The following CAPN14 variants were observed in gnomAD, a reference collection of about 807,000 sequenced individuals.
CAPN14 encodes the protein calpain-14.
CAPN14 carries 94 observed loss-of-function variants against 101.3 expected under a neutral mutation model. That is an observed-to-expected ratio of 0.93 (90% CI 0.79 to 1.10). The LOEUF is 1.10. CAPN14 is among the 50% of genes least tolerant of loss of function. CAPN14 has a pLI of 0.00. For missense variants in CAPN14, 837 were observed against 828.4 expected, an observed-to-expected ratio of 1.01 and a Z score of -0.13; for synonymous variants, 338 against 317.9, an observed-to-expected ratio of 1.06 and a Z score of -0.67.
chr2:31,233,629 T>G (rs1156437218), intron 1 of CAPN14, among the ~76,000 whole-genome samples: 2 of 152,204 alleles, frequency 1.3e-5, no homozygotes, highest in African/African-American at 4.8e-5. Context: ...TGGCTTGTTT[T>G]GTTTTGCTGG....
rs1683167277 is a variant in CAPN14 at position 31,230,794 on chromosome 2, T to C, written c.-177+2997A>G. Among the ~76,000 whole-genome samples the C allele has an allele frequency of 6.6e-6, 1 of 152,236 alleles. No homozygotes were observed. The highest frequency in any genetic ancestry group is 2.4e-5 in the African/African-American group (1 of 41,450). On this transcript the variant is annotated intron_variant and NMD_transcript_variant, in intron 1 of 21. Transcript: ENST00000398824. This position sits in a 1 kb window ranked among gnomAD's most constrained non-coding sequence, Gnocchi z 4.3. ...AAATATCTTTTCACTCACTTTTGTA[T>C]TTTTAGTTGAACGAAAGTTTTAAAT... is the stretch of plus-strand genomic sequence containing the variant.
At chr2:31,181,382 C>CG (rs1680588490) in intron 16 of CAPN14, among the ~76,000 whole-genome samples, 1 of 128,454 alleles carries the variant, frequency 7.8e-6, no homozygotes, top group Non-Finnish European at 1.6e-5. Flanking sequence ...TTTCTCTTTT[C>CG]TTTTTTTCTT....
chr2:31,211,272 C>T (rs1268039549), intron 1 of CAPN14, among the ~76,000 whole-genome samples: 1 of 146,730 alleles, frequency 6.8e-6, no homozygotes, highest in Non-Finnish European at 1.5e-5. Context: ...AAGGAAGGGT[C>T]ACAAAAATCA....
At chr2:31,200,165 G>T (rs373102920) in intron 6 of CAPN14, among the ~76,000 whole-genome samples, 1 of 152,088 alleles carries the variant, frequency 6.6e-6, no homozygotes, top group African/African-American at 2.4e-5. Context: ...CACCATGCCC[G>T]GCTAATTTTT....
At chr2:31,218,452 C>T (rs985782465), upstream of CAPN14, among the ~76,000 whole-genome samples, 2 of 152,196 alleles carry the variant, frequency 1.3e-5, no homozygotes, top group Non-Finnish European at 2.9e-5. Flanking sequence ...TCCCCGCCTG[C>T]TTCTTGGCCT....
intron 1 of CAPN14, among the ~76,000 whole-genome samples, chr2:31,227,935 ACT>A (rs1195821245): frequency 3.9e-5 from 6 of 152,166 alleles, no homozygotes; most frequent in African/African-American, 1.4e-4. Flanking sequence ...AGAGCTGCTG[ACT>A]CAGCTCTTCA....
intron 12 of CAPN14, 91 bp downstream of exon 12, chr2:31,191,308 A>G: frequency 3.2e-6 from 4 of 1,265,164 alleles, no homozygotes; most frequent in Middle Eastern, 1.9e-4. Flanking sequence ...ACGCAGTAGA[A>G]GCCTGCTCCA....
At chr2:31,215,397 G>A (rs779901565) in intron 1 of CAPN14, among the ~76,000 whole-genome samples, 1 of 151,928 alleles carries the variant, frequency 6.6e-6, no homozygotes, top group Admixed American at 6.6e-5. Flanking sequence ...GCCATTTCAC[G>A]TCACGCCCTC....
chr2:31,228,102 G>A (rs1683080208), intron 1 of CAPN14, among the ~76,000 whole-genome samples: 1 of 152,250 alleles, frequency 6.6e-6, no homozygotes, highest in Non-Finnish European at 1.5e-5. Context: ...TGCGTGCATG[G>A]TTGTAGGCAG....
rs1184624098 is a variant in CAPN14, at chr2:31,173,950, C to T, written c.*731G>A. On this transcript the variant is annotated 3_prime_UTR_variant, in exon 22 of 22. Coordinates refer to ENST00000403897, the MANE Select transcript of CAPN14 (RefSeq NM_001145122.2). ...ATTTCTGGACAGATTTGAAATGGAT[C>T]TGATAGTCTATATATCAAGCAAATA... 1 of 152,138 alleles carries T rather than the reference C, an allele frequency of 6.6e-6. No homozygotes were observed. The highest frequency in any genetic ancestry group is 1.9e-4 in the East Asian group (1 of 5,192). The allele number at this position is 152,138 out of a possible 1,614,324, so 9.4% of individuals were successfully genotyped here.
intron 10 of CAPN14, among the ~76,000 whole-genome samples, chr2:31,192,674 A>G (rs1681253106): frequency 1.3e-5 from 2 of 152,068 alleles, no homozygotes; most frequent in Admixed American, 6.6e-5. Flanking sequence ...GTATCTAGTG[A>G]TCCTGGGAAG....
chr2:31,182,787 T>C (rs1297879820), intron 16 of CAPN14, among the ~76,000 whole-genome samples: 9 of 151,548 alleles, frequency 5.9e-5, no homozygotes, highest in African/African-American at 1.7e-4. Flanking sequence ...TTCAATGCCA[T>C]CCCCATCAAG....
At chr2:31,192,188 G>T (rs17010928) in intron 10 of CAPN14, 90 bp from the exon 11 acceptor site, 6 of 1,373,216 alleles carry the variant, frequency 4.4e-6, no homozygotes, top group Admixed American at 3.0e-5. Flanking sequence ...GTCTGAGGAC[G>T]CCTCTGCCAG....
In CAPN14 at chr2:31,197,328, AG is replaced by A; in HGVS notation, c.795del (p.Cys266AlafsTer34). Reference protein sequence around the residue: ...AYTLTGIRKVTCKHRPEYLVK... With the variant: ...AYTLTGIRKVXCKHRPEYLVK... ...ACGAGATATTCAGGTCTATGTTTGC[AG>A]GTCACCTGCATAAAATGAGAGGCAG... On this transcript the variant is annotated frameshift_variant, in exon 8 of 22. Transcript: ENST00000403897. LOFTEE classifies it high-confidence loss of function. 2 of 1,549,636 alleles carry A rather than the reference AG, an allele frequency of 1.3e-6. No individual in the cohort carries two copies. Among genetic ancestry groups the A allele is most frequent in the Non-Finnish European group, 1.7e-6 (2 of 1,144,920 alleles).
At chr2:31,223,976 G>C (rs1682941803) in intron 2 of CAPN14, among the ~76,000 whole-genome samples, 1 of 152,142 alleles carries the variant, frequency 6.6e-6, no homozygotes. Flanking sequence ...TCCTATGTTT[G>C]TTTTCATACA....
intron 3 of CAPN14, 100 bp downstream of exon 3, chr2:31,202,970 T>G: frequency 1.0e-6 from 1 of 1,000,670 alleles, no homozygotes; most frequent in Non-Finnish European, 1.5e-6. Context: ...CTCTCTCCAG[T>G]GGGGATCTCT....
At chr2:31,226,219 C>A (rs377207408) in intron 2 of CAPN14, among the ~76,000 whole-genome samples, 1 of 152,146 alleles carries the variant, frequency 6.6e-6, no homozygotes, top group Non-Finnish European at 1.5e-5. Context: ...AACTTTAATA[C>A]CCCACTTTGT....
rs142251943 is a variant in CAPN14 at position 31,206,861 on chromosome 2, C to A, written c.-52-1362G>T. Among the ~76,000 whole-genome samples the A allele has an allele frequency of 1.9e-3, 293 of 152,274 alleles. 3 individuals are homozygous for A. Among genetic ancestry groups the A allele is most frequent in the African/African-American group, 6.5e-3 (270 of 41,556 alleles). On this transcript the variant is annotated intron_variant, in intron 1 of 21. Coordinates refer to ENST00000403897, the MANE Select transcript of CAPN14 (RefSeq NM_001145122.2). ...AACTGAAACCTGTCCATTCATTCAC[C>A]AAAAATTTTACTGGGAACTTATCAT...
chr2:31,228,937 T>C (rs1173796678), intron 1 of CAPN14, among the ~76,000 whole-genome samples: 2 of 152,146 alleles, frequency 1.3e-5, no homozygotes, highest in Non-Finnish European at 2.9e-5. Flanking sequence ...ATAGGAGGCA[T>C]GTGCTGGGTT....
Sources: allele counts gnomAD v4.1 joint callset (sites outside exome capture counted in the v4.1 genomes callset), GRCh38; gene constraint gnomAD v4.1.1; non-coding constraint Gnocchi (gnomAD v3.1); transcripts MANE v1.5; gene names NCBI Gene and HGNC (gene_info 2026-07-23, HGNC 2026-07-21).